The following ANKRD30B variants were observed in gnomAD, a reference collection of about 807,000 sequenced individuals.
The protein encoded by ANKRD30B is ankyrin repeat domain 30B.
A neutral mutation model predicts 202.2 loss-of-function variants in ANKRD30B; 144 were observed. That is an observed-to-expected ratio of 0.71 (90% CI 0.62 to 0.82). The LOEUF is 0.82. Ranked by LOEUF, ANKRD30B falls within the 40% of genes least tolerant of loss-of-function variation. ANKRD30B has a pLI of 0.00. For synonymous variants in ANKRD30B, 508 were observed against 561.3 expected (o/e 0.91, Z 1.34); for missense variants, 1,487 against 1,669.1 (o/e 0.89, Z 1.90).
the ANKRD30B span, among the ~76,000 whole-genome samples, chr18:14,921,603 A>G: frequency 5.3e-5 from 8 of 152,194 alleles, no homozygotes; most frequent in Admixed American, 3.9e-4. Context: ...ACCAAGCACT[A>G]TGAAAAAATA....
At chr18:14,826,693 T>TCTCACACACACACACA (rs762792279) in intron 32 of ANKRD30B, among the ~76,000 whole-genome samples, 1,639 of 124,988 alleles carry the variant, frequency 0.013, 19 homozygotes, top group South Asian at 0.044. Flanking sequence ...TCTCTCTCTC[T>TCTCACACACACACACA]CACACACACA....
chr18:14,815,308 T>C (rs1022466324), intron 30 of ANKRD30B, among the ~76,000 whole-genome samples: 1 of 142,304 alleles, frequency 7.0e-6, no homozygotes, highest in Non-Finnish European at 1.5e-5. Context: ...TAATTTGTCA[T>C]ATACACTCCG....
the ANKRD30B span, among the ~76,000 whole-genome samples, chr18:14,862,898 C>A: frequency 6.6e-6 from 1 of 152,186 alleles, no homozygotes; most frequent in African/African-American, 2.4e-5. Flanking sequence ...TTATGTTTGC[C>A]CTACTGGGTT....
chr18:14,779,828 T>A (rs1967605346), intron 10 of ANKRD30B, 132 bp from the exon 11 acceptor site: 1 of 581,988 alleles, frequency 1.7e-6, no homozygotes, highest in Non-Finnish European at 3.0e-6. Flanking sequence ...GAAGTGGTGG[T>A]TGTTATTCAA....
chr18:14,852,996 T>C (rs1316304461), intron 42 of ANKRD30B, among the ~76,000 whole-genome samples: 2 of 152,210 alleles, frequency 1.3e-5, no homozygotes, highest in Non-Finnish European at 2.9e-5. Context: ...TCTGAAATTA[T>C]GTATTGTTAA....
chr18:14,842,758 A>T lies in ANKRD30B; in HGVS notation c.3080-139A>T. The T allele has an allele frequency of 5.2e-6, 4 of 762,452 alleles. No homozygotes were observed. In the South Asian group the frequency reaches 8.3e-5, roughly 16 times the overall value. The allele number at this position is 762,452 out of a possible 1,614,324, so 47.2% of individuals were successfully genotyped here. On this transcript the variant is annotated intron_variant, in intron 37 of 43. Coordinates refer to ENST00000690538, the MANE Select transcript of ANKRD30B (RefSeq NM_001367607.2). Reference sequence around the variant, plus strand: ...TCATGTGATTGTCCTAAAGAAACATACCGAAAGAAAACCCCCTAAACCTAA... The same window carrying T: ...TCATGTGATTGTCCTAAAGAAACATTCCGAAAGAAAACCCCCTAAACCTAA...
chr18:14,919,801 A>G, the ANKRD30B span, among the ~76,000 whole-genome samples: 36 of 152,344 alleles, frequency 2.4e-4, no homozygotes, highest in Admixed American at 1.1e-3. Flanking sequence ...CTGTATGAAG[A>G]GTGCCACATA....
At chr18:14,766,029 G>A (rs1212687898) in intron 7 of ANKRD30B, among the ~76,000 whole-genome samples, 1 of 152,180 alleles carries the variant, frequency 6.6e-6, no homozygotes, top group Admixed American at 6.5e-5. Flanking sequence ...TATTCCCAGT[G>A]TCACTGGAAA....
chr18:14,841,306 T>G (rs1428588406), intron 37 of ANKRD30B, among the ~76,000 whole-genome samples: 1 of 152,214 alleles, frequency 6.6e-6, no homozygotes, highest in Non-Finnish European at 1.5e-5. Flanking sequence ...TTGTTAACAA[T>G]GCACGCTGTG....
chr18:14,883,489 A>G, the ANKRD30B span: 2 of 147,546 alleles, frequency 1.4e-5, no homozygotes, highest in East Asian at 2.0e-4. Flanking sequence ...AACAGGGGAT[A>G]CCAGTGTGTA....
chr18:14,920,906 T>C, the ANKRD30B span, among the ~76,000 whole-genome samples: 20 of 152,260 alleles, frequency 1.3e-4, no homozygotes, highest in Admixed American at 1.3e-3. Flanking sequence ...ATGTCACACA[T>C]ATAGATACAC....
In ANKRD30B at chr18:14,748,649, C is replaced by T. The variant is rs775778096; in HGVS notation, c.221+9C>T. 10 of 1,537,260 alleles carry T rather than the reference C, an allele frequency of 6.5e-6. 1 individual carries two copies. In the South Asian group the frequency reaches 8.6e-5, roughly 13 times the overall value. On this transcript the variant is annotated intron_variant, in intron 1 of 43. Coordinates refer to ENST00000690538, the MANE Select transcript of ANKRD30B (RefSeq NM_001367607.2). ...AGAGATATGAAGAAGAGGTACCAGG[C>T]CCTGCCTGAGCCGGGGCTGCAGGAG...
chr18:14,759,199 A>G (rs1914866683), intron 5 of ANKRD30B: 1 of 152,214 alleles, frequency 6.6e-6, no homozygotes, highest in Non-Finnish European at 1.5e-5. Context: ...TGCTGGTGTC[A>G]GGGGTACATA....
intron 37 of ANKRD30B, among the ~76,000 whole-genome samples, chr18:14,841,878 C>T (rs540810086): frequency 7.9e-5 from 12 of 152,140 alleles, no homozygotes; most frequent in Non-Finnish European, 1.8e-4. Context: ...TTAGTTTTCT[C>T]TATTACTATC....
chr18:14,924,504 C>T, the ANKRD30B span, among the ~76,000 whole-genome samples: 1 of 152,204 alleles, frequency 6.6e-6, no homozygotes, highest in Admixed American at 6.5e-5. Flanking sequence ...AAGCTCCATC[C>T]TCTCAGAGTT....
At chr18:14,869,846 T>C in the ANKRD30B span, among the ~76,000 whole-genome samples, 2 of 152,114 alleles carry the variant, frequency 1.3e-5, no homozygotes, top group Non-Finnish European at 2.9e-5. Context: ...ATCTTATTTA[T>C]TTTCTAGAGG....
the ANKRD30B span, among the ~76,000 whole-genome samples, chr18:14,917,835 C>T: frequency 6.6e-6 from 1 of 152,212 alleles, no homozygotes; most frequent in African/African-American, 2.4e-5. Flanking sequence ...CCTGGCCCAT[C>T]TGGGCTCAGA....
At chr18:14,749,492 T>G (rs1439213104) in intron 1 of ANKRD30B, among the ~76,000 whole-genome samples, 1 of 151,686 alleles carries the variant, frequency 6.6e-6, no homozygotes, top group Non-Finnish European at 1.5e-5. Context: ...GCCAATATGG[T>G]GAAACACCGT....
intron 18 of ANKRD30B, among the ~76,000 whole-genome samples, chr18:14,797,195 C>G (rs1968962521): frequency 6.6e-6 from 1 of 152,074 alleles, no homozygotes; most frequent in Non-Finnish European, 1.5e-5. Flanking sequence ...CTATCTTATC[C>G]ATATGGACAG....
Sources: gnomAD v4.1 joint callset for allele counts (sites outside exome capture counted in the v4.1 genomes callset) on GRCh38, gnomAD v4.1.1 for gene constraint, MANE v1.5 for transcripts, NCBI Gene and HGNC (gene_info 2026-07-23, HGNC 2026-07-21) for gene names.